The following TRAPPC9 variants were observed in gnomAD, a reference collection of about 807,000 sequenced individuals.
The protein encoded by TRAPPC9 is trafficking protein particle complex subunit 9.
A neutral mutation model predicts 124.0 loss-of-function variants in TRAPPC9; 83 were observed. The observed-to-expected ratio is 0.67, with a 90% CI of 0.56 to 0.80. The LOEUF (loss-of-function observed/expected upper bound fraction) is 0.80, where lower values mean the gene tolerates loss of function less well. Ranked by LOEUF, TRAPPC9 falls within the 30% of genes least tolerant of loss-of-function variation. The pLI, the probability that TRAPPC9 is intolerant of heterozygous loss-of-function variation, is 0.00. For synonymous variants in TRAPPC9, 638 were observed against 617.5 expected (o/e 1.03, Z -0.49); for missense variants, 1,302 against 1,508.3 (o/e 0.86, Z 2.27).
chr8:140,004,320 G>A (rs1389071208), intron 18 of TRAPPC9, among the ~76,000 whole-genome samples: 1 of 151,860 alleles, frequency 6.6e-6, no homozygotes, highest in African/African-American at 2.4e-5. Flanking sequence ...TCAAAAAATC[G>A]TGCACCAAAA....
chr8:140,340,164 A>C (rs1394531920), intron 9 of TRAPPC9, among the ~76,000 whole-genome samples: 1 of 152,222 alleles, frequency 6.6e-6, no homozygotes, highest in Non-Finnish European at 1.5e-5. Context: ...AACATTTTTT[A>C]AACTAAATTG....
At chr8:140,374,430 C>T (rs1216550624) in intron 7 of TRAPPC9, among the ~76,000 whole-genome samples, 7 of 152,070 alleles carry the variant, frequency 4.6e-5, no homozygotes, top group Non-Finnish European at 8.8e-5. Flanking sequence ...ATTAGCCAGG[C>T]GTGGTGGTGC....
intron 16 of TRAPPC9, among the ~76,000 whole-genome samples, chr8:140,245,887 T>C (rs1184803781): frequency 6.6e-6 from 1 of 152,228 alleles, no homozygotes; most frequent in Non-Finnish European, 1.5e-5. Context: ...GGATGCTTAC[T>C]GTCTCGACTC....
intron 19 of TRAPPC9, among the ~76,000 whole-genome samples, chr8:139,917,165 T>A (rs957810347): frequency 7.5e-6 from 1 of 132,892 alleles, no homozygotes; most frequent in African/African-American, 3.3e-5. Flanking sequence ...CATTATTATT[T>A]TCTTTTTTTT....
intron 21 of TRAPPC9, among the ~76,000 whole-genome samples, chr8:139,796,660 T>C (rs1823118132): frequency 6.6e-6 from 1 of 152,248 alleles, no homozygotes; most frequent in Admixed American, 6.5e-5. Flanking sequence ...CAGCAGCTGA[T>C]GAGCATTTGT....
chr8:140,105,780 G>C (rs754960111), intron 17 of TRAPPC9, among the ~76,000 whole-genome samples: 2 of 152,046 alleles, frequency 1.3e-5, no homozygotes, highest in Non-Finnish European at 2.9e-5. Context: ...TCACCCTGTG[G>C]GGGGAGGCTC....
At chr8:139,758,183 G>C (rs1292888826) in intron 21 of TRAPPC9, among the ~76,000 whole-genome samples, 1 of 152,234 alleles carries the variant, frequency 6.6e-6, no homozygotes, top group Non-Finnish European at 1.5e-5. Flanking sequence ...CCTCAGGGCC[G>C]GGATGGCTGG....
In TRAPPC9 at chr8:139,730,907, T is replaced by C. The variant is rs1018027902; in HGVS notation, c.*154A>G. ...GGGCTTCTGCGTAGCCCAGCAAAGA[T>C]GCTACAGGAGGAACAGGAGGAGAGG... On this transcript the variant is annotated 3_prime_UTR_variant, in exon 23 of 23. Transcript: ENST00000438773. 152 of 822,202 alleles carry C rather than the reference T, an allele frequency of 1.8e-4. No individual in the cohort carries two copies. The highest frequency in any genetic ancestry group is 2.5e-4 in the Non-Finnish European group (133 of 535,780). 50.9% of individuals were successfully genotyped at this position (822,202 alleles called of 1,614,324 possible).
chr8:139,796,087 G>A (rs1823058870), intron 21 of TRAPPC9, among the ~76,000 whole-genome samples: 1 of 140,188 alleles, frequency 7.1e-6, no homozygotes, highest in Non-Finnish European at 1.5e-5. Context: ...AAGAGGAGAA[G>A]GAGGAGGAAG....
intron 17 of TRAPPC9, among the ~76,000 whole-genome samples, chr8:140,047,466 CCAG>C (rs1841685418): frequency 6.6e-6 from 1 of 152,206 alleles, no homozygotes; most frequent in Non-Finnish European, 1.5e-5. Context: ...AGGCGGGTCC[CCAG>C]GGGCCAGAGG....
intron 18 of TRAPPC9, among the ~76,000 whole-genome samples, chr8:139,992,940 T>C (rs1302777195): frequency 1.3e-5 from 2 of 151,966 alleles, no homozygotes; most frequent in Non-Finnish European, 2.9e-5. Context: ...AAAAACAATA[T>C]TTAAAAATCT....
At chr8:140,238,340 C>T (rs1006276116) in intron 16 of TRAPPC9, 7 of 152,224 alleles carry the variant, frequency 4.6e-5, no homozygotes, top group African/African-American at 1.7e-4. Context: ...CGTGCACTTA[C>T]AGGTTATTAG....
chr8:140,029,022 T>C (rs1445967082), intron 17 of TRAPPC9, among the ~76,000 whole-genome samples: 1 of 152,106 alleles, frequency 6.6e-6, no homozygotes, highest in East Asian at 1.9e-4. Flanking sequence ...ATTGCCAACA[T>C]CAGGAATGAG....
chr8:140,095,597 C>G (rs1327044822), intron 17 of TRAPPC9: 1 of 152,196 alleles, frequency 6.6e-6, no homozygotes, highest in Admixed American at 6.5e-5. Context: ...CTTTATGTGC[C>G]ATGAAAAATC....
At chr8:139,979,460 C>A (rs932524850) in intron 19 of TRAPPC9, among the ~76,000 whole-genome samples, 1 of 152,178 alleles carries the variant, frequency 6.6e-6, no homozygotes, top group Non-Finnish European at 1.5e-5. Context: ...ACAGCTGCAG[C>A]CTGGCGTCAT....
chr8:139,981,568 A>C lies in TRAPPC9; in HGVS notation c.2810+7158T>G, dbSNP rs534508015. Among the ~76,000 whole-genome samples the C allele has an allele frequency of 5.3e-4, 80 of 152,370 alleles. 1 individual carries two copies. The South Asian group carries it at 0.016, about 31-fold the overall frequency. On this transcript the variant is annotated intron_variant, in intron 19 of 22. Coordinates refer to ENST00000438773, the MANE Select transcript of TRAPPC9 (RefSeq NM_001160372.4). ...CGGTTAAGCATCACTTTGATGATTC[A>C]CAAGGTTCTTTGGAATGTTTGAAGG...
At chr8:140,328,262 AAATT>A (rs149409666) in intron 9 of TRAPPC9, among the ~76,000 whole-genome samples, 2 of 152,118 alleles carry the variant, frequency 1.3e-5, no homozygotes, top group African/African-American at 2.4e-5. Context: ...CTCAAAAACA[AAATT>A]AATTAATTAA....
At chr8:139,803,134 G>A (rs1823668400) in intron 21 of TRAPPC9, among the ~76,000 whole-genome samples, 1 of 151,640 alleles carries the variant, frequency 6.6e-6, no homozygotes, top group Non-Finnish European at 1.5e-5. Flanking sequence ...ATGTGAAGGT[G>A]TGTCTGTGTG....
At chr8:140,163,569 G>A (rs1254620302) in intron 17 of TRAPPC9, among the ~76,000 whole-genome samples, 2 of 152,320 alleles carry the variant, frequency 1.3e-5, no homozygotes, top group Non-Finnish European at 2.9e-5. Flanking sequence ...GAGGGTGGCG[G>A]GCAGATGGAC....
Sources: allele counts gnomAD v4.1 joint callset (sites outside exome capture counted in the v4.1 genomes callset), GRCh38; gene constraint gnomAD v4.1.1; transcripts MANE v1.5; gene names NCBI Gene and HGNC (gene_info 2026-07-23, HGNC 2026-07-21).